FBXO47: variants seen among roughly 807,000 people sequenced by gnomAD.
FBXO47 encodes the protein F-box protein 47, also known as F-box only protein 47.
FBXO47 carries 34 observed loss-of-function variants against 53.9 expected under a neutral mutation model. The observed-to-expected ratio is 0.63, with a 90% confidence interval of 0.48 to 0.84. The LOEUF is 0.84. Among genes scored for constraint, FBXO47 ranks in the 40% least tolerant of loss-of-function variants. The pLI is 0.00. For missense variants in FBXO47, 485 were observed against 541.3 expected, an observed-to-expected ratio of 0.90 and a Z score of 1.03; for synonymous variants, 165 against 181.6, an observed-to-expected ratio of 0.91 and a Z score of 0.73.
chr17:38,965,280 G>T (rs1906047046), intron 1 of FBXO47, among the ~76,000 whole-genome samples: 1 of 152,234 alleles, frequency 6.6e-6, no homozygotes, highest in Middle Eastern at 3.4e-3. Flanking sequence ...CCAATCGAAG[G>T]CTCCTTGTTT....
At chr17:38,966,583 G>A (rs1029406524) in intron 1 of FBXO47, among the ~76,000 whole-genome samples, 1 of 152,164 alleles carries the variant, frequency 6.6e-6, no homozygotes, top group Non-Finnish European at 1.5e-5. Flanking sequence ...GAGAAATGTG[G>A]ACAGTGGGGC....
intron 3 of FBXO47, among the ~76,000 whole-genome samples, chr17:38,957,904 G>A (rs10852954): frequency 0.13 from 20,383 of 151,798 alleles, 1,900 homozygotes; most frequent in East Asian, 0.29. Context: ...CGTGATCTCC[G>A]CTCACTGCAA....
At chr17:38,954,746 C>T in intron 5 of FBXO47, 110 bp downstream of exon 5, 3 of 574,692 alleles carry the variant, frequency 5.2e-6, no homozygotes, top group Admixed American at 3.8e-5. Context: ...TTATTTTGCT[C>T]TTTTTAAGAT....
At position 38,967,232 on chromosome 17, in the gene FBXO47, A is replaced by C. The variant is rs560358141; in HGVS notation, c.-30T>G. On this transcript the variant is annotated 5_prime_UTR_variant, in exon 1 of 11. Transcript: ENST00000378079. The stretch of plus-strand genomic sequence containing the variant: ...GGGAAAAAAAACCCTCTTTTACCAC[A>C]GATTTTGACAGTTTTTCCGGCTACA... 3.5e-4 allele frequency: 54 copies of C among 152,306 alleles called. No homozygotes were observed. Among genetic ancestry groups the C allele is most frequent in the African/African-American group, 1.3e-3 (54 of 41,582 alleles). The allele number at this position is 152,306 out of a possible 1,614,324, so 9.4% of individuals were successfully genotyped here. A position where few individuals can be genotyped will look rare whatever the true frequency, so the allele number is the denominator to read the frequency against.
chr17:38,944,054 C>T (rs912338212), intron 7 of FBXO47, among the ~76,000 whole-genome samples: 7 of 151,548 alleles, frequency 4.6e-5, no homozygotes, highest in African/African-American at 1.5e-4. Flanking sequence ...TGGTGGTGCA[C>T]GCCTGTAGTC....
intron 1 of FBXO47, 53 bp from the exon 2 acceptor site, chr17:38,963,104 G>A: frequency 8.5e-7 from 1 of 1,177,878 alleles, no homozygotes; most frequent in Non-Finnish European, 1.2e-6. Context: ...ATTAAAGCAA[G>A]AAAGAGATTT....
Position 38,957,204 on chromosome 17 carries a change from T to C in FBXO47, c.402A>G (p.Leu134=). The part of the protein sequence containing the change: ...CTLLLPTKER[L]KYIHKILTEV... Reference sequence around the variant, plus strand: ...CTGTGAGTATCTTGTGAATGTATTTTAGCCTTTCCTTGGTGGGTAGCAGCA... The same window carrying C: ...CTGTGAGTATCTTGTGAATGTATTTCAGCCTTTCCTTGGTGGGTAGCAGCA... Residue 134 remains leucine (L), a synonymous_variant, in exon 4 of 11, where the codon CTA becomes CTG. Coordinates refer to ENST00000378079, the MANE Select transcript of FBXO47 (RefSeq NM_001008777.3). The C allele has an allele frequency of 6.2e-7, 1 of 1,610,874 alleles. No homozygotes were observed. The highest frequency in any genetic ancestry group is 8.5e-7 in the Non-Finnish European group (1 of 1,177,490).
chr17:38,946,239 T>A (rs1379831691), intron 6 of FBXO47, among the ~76,000 whole-genome samples: 2 of 108,364 alleles, frequency 1.8e-5, no homozygotes, highest in Non-Finnish European at 3.3e-5. Context: ...TATATACAAA[T>A]ATATATAAAT....
intron 2 of FBXO47, among the ~76,000 whole-genome samples, chr17:38,962,608 AAAT>A (rs58127654): frequency 0.014 from 2,006 of 146,272 alleles, 21 homozygotes; most frequent in African/African-American, 0.036. Context: ...CTCCATCTCA[AAAT>A]AATAATAATA....
chr17:38,959,765 C>T (rs112695217), intron 3 of FBXO47, among the ~76,000 whole-genome samples: 3,922 of 151,828 alleles, frequency 0.026, 171 homozygotes, highest in African/African-American at 0.09. Context: ...CCCACCTCAG[C>T]ATCCTGAGTA....
chr17:38,965,932 T>A (rs924348339), intron 1 of FBXO47, among the ~76,000 whole-genome samples: 6 of 151,294 alleles, frequency 4.0e-5, no homozygotes. Context: ...ACAATACAGC[T>A]AAACAAGAAG....
chr17:38,951,571 A>C lies in FBXO47; in HGVS notation c.616+10T>G, dbSNP rs767200375. 1 of 1,569,586 alleles carries C rather than the reference A, an allele frequency of 6.4e-7. No homozygotes were observed. Among genetic ancestry groups the C allele is most frequent in the Non-Finnish European group, 8.7e-7 (1 of 1,144,714 alleles). ...TCTCTGTATATTATATGCAAATTAT[A>C]GTTTTTTACCTGGTTTGCTGCAGAC... is the stretch of plus-strand genomic sequence containing the variant. On this transcript the variant is annotated intron_variant, in intron 6 of 10. Transcript: ENST00000378079.
chr17:38,944,848 ATGTG>A (rs71300085), intron 7 of FBXO47, 108 bp downstream of exon 7: 202 of 615,152 alleles, frequency 3.3e-4, no homozygotes, highest in Non-Finnish European at 4.2e-4. Context: ...GCGTGCATGC[ATGTG>A]TGTGTGTGTG....
intron 4 of FBXO47, 51 bp from the exon 5 acceptor site, chr17:38,954,984 A>G (rs754967119): frequency 7.6e-7 from 1 of 1,307,296 alleles, no homozygotes; most frequent in Non-Finnish European, 1.1e-6. Flanking sequence ...CTATAGTTTG[A>G]CAATGGTGGA....
intron 9 of FBXO47, among the ~76,000 whole-genome samples, chr17:38,941,633 T>A (rs1222984266): frequency 6.9e-6 from 1 of 144,632 alleles, no homozygotes; most frequent in African/African-American, 2.5e-5. Flanking sequence ...TATATATATA[T>A]ATATATATAT....
intron 1 of FBXO47, among the ~76,000 whole-genome samples, chr17:38,965,986 TCA>T (rs772312017): frequency 2.6e-5 from 4 of 152,104 alleles, no homozygotes; most frequent in Non-Finnish European, 5.9e-5. Flanking sequence ...TTATATAATT[TCA>T]GACTTTTACA....
rs752784315 is a variant in FBXO47 at position 38,951,521 on chromosome 17, ACT to A, written c.616+58_616+59del. 1,172 of 1,295,868 alleles carry A rather than the reference ACT, an allele frequency of 9.0e-4. 6 individuals carry two copies. The highest frequency in any genetic ancestry group is 2.3e-3 in the South Asian group (167 of 73,394). 80.3% of individuals were successfully genotyped at this position (1,295,868 alleles called of 1,614,324 possible). On this transcript the variant is annotated intron_variant, in intron 6 of 10. Transcript: ENST00000378079. The stretch of plus-strand genomic sequence containing the variant: ...AATTACTTTTAATTACATTTTTAAA[ACT>A]CTGTTTATTTTTTCTATTTTAATCT...
Position 38,941,130 on chromosome 17 carries a change from C to T in FBXO47, c.1083+1648G>A, listed in dbSNP as rs996695122. On this transcript the variant is annotated intron_variant, in intron 9 of 10. Coordinates refer to ENST00000378079, the MANE Select transcript of FBXO47 (RefSeq NM_001008777.3). ...TCCTGAGTAGCTGAGCTCACAGGCACGCATGCCACAACTCCTGGCTAATTT... is the reference window on the plus strand; with the variant it reads ...TCCTGAGTAGCTGAGCTCACAGGCATGCATGCCACAACTCCTGGCTAATTT... Among the ~76,000 whole-genome samples the T allele has an allele frequency of 7.3e-5, 11 of 151,488 alleles. 1 individual carries two copies. Among genetic ancestry groups the T allele is most frequent in the African/African-American group, 1.9e-4 (8 of 41,056 alleles).
chr17:38,946,612 AAC>A (rs1491156777), intron 6 of FBXO47, among the ~76,000 whole-genome samples: 7 of 69,548 alleles, frequency 1.0e-4, no homozygotes, highest in African/African-American at 2.1e-4. Flanking sequence ...GAATATATAT[AAC>A]TATATAAATA....
Sources: allele counts gnomAD v4.1 joint callset (sites outside exome capture counted in the v4.1 genomes callset), GRCh38; gene constraint gnomAD v4.1.1; transcripts MANE v1.5; gene names NCBI Gene and HGNC (gene_info 2026-07-23, HGNC 2026-07-21).